Variants in ST8SIA6 observed in about 807,000 individuals in gnomAD.
ST8SIA6 encodes the protein alpha-2,8-sialyltransferase 8F.
In ST8SIA6, 39 loss-of-function variants were observed where a neutral mutation model predicts 33.6. The observed-to-expected ratio is 1.16, with a 90% CI of 0.90 to 1.52. The LOEUF is 1.52. Ranked by LOEUF, ST8SIA6 falls within the 40% of genes most tolerant of loss-of-function variation. The pLI is 0.00. For missense variants in ST8SIA6, 441 were observed against 443.8 expected, an observed-to-expected ratio of 0.99 and a Z score of 0.06; for synonymous variants, 172 against 167.2, an observed-to-expected ratio of 1.03 and a Z score of -0.22.
At chr10:17,453,037 G>GAAA (rs112644291) in intron 2 of ST8SIA6, among the ~76,000 whole-genome samples, 58 of 146,450 alleles carry the variant, frequency 4.0e-4, no homozygotes, top group African/African-American at 1.4e-3. Flanking sequence ...TTTACAATCT[G>GAAA]AAAAAAAAAC....
intron 4 of ST8SIA6, among the ~76,000 whole-genome samples, chr10:17,335,288 G>A (rs1848464395): frequency 6.6e-6 from 1 of 152,206 alleles, no homozygotes; most frequent in Admixed American, 6.5e-5. Context: ...AATGTTGATG[G>A]TAGTGAGTCA....
intron 4 of ST8SIA6, among the ~76,000 whole-genome samples, chr10:17,347,393 G>C (rs1195222508): frequency 6.6e-6 from 1 of 152,166 alleles, no homozygotes; most frequent in African/African-American, 2.4e-5. Context: ...ACTGGGAGAA[G>C]GATGCTGACT....
chr10:17,353,043 G>A (rs546604779), intron 4 of ST8SIA6, among the ~76,000 whole-genome samples: 1 of 152,176 alleles, frequency 6.6e-6, no homozygotes, highest in Non-Finnish European at 1.5e-5. Flanking sequence ...AACATTTAGA[G>A]GCTCAGAAAA....
In ST8SIA6 at chr10:17,318,323, C is replaced by T; in HGVS notation, c.*2555G>A. The T allele has an allele frequency of 9.1e-6, 2 of 218,888 alleles. No individual in the cohort carries two copies. Among genetic ancestry groups the T allele is most frequent in the Non-Finnish European group, 1.8e-5 (2 of 109,390 alleles). The allele number at this position is 218,888 out of a possible 1,614,324, so 13.6% of individuals were successfully genotyped here. On this transcript the variant is annotated 3_prime_UTR_variant, in exon 8 of 8. Coordinates refer to ENST00000377602, the MANE Select transcript of ST8SIA6 (RefSeq NM_001004470.3). ...CTCTACCTCCTGGGCTCCAGTGAAC[C>T]TCCCTCCTTAGCCTCCCAAGTAGCT...
chr10:17,363,183 G>A (rs1470492245), intron 3 of ST8SIA6, among the ~76,000 whole-genome samples: 1 of 152,058 alleles, frequency 6.6e-6, no homozygotes, highest in Non-Finnish European at 1.5e-5. Flanking sequence ...CTCCTTCAAT[G>A]TATCTATCGC....
chr10:17,392,805 G>A (rs1286085011), intron 2 of ST8SIA6, among the ~76,000 whole-genome samples: 2 of 152,182 alleles, frequency 1.3e-5, no homozygotes, highest in East Asian at 1.9e-4. Flanking sequence ...GTTTCTTGCC[G>A]ATGAAATGCC....
chr10:17,452,208 C>A (rs1422346997), intron 2 of ST8SIA6, among the ~76,000 whole-genome samples: 1 of 152,170 alleles, frequency 6.6e-6, no homozygotes, highest in Non-Finnish European at 1.5e-5. Flanking sequence ...CCAGGAGGTC[C>A]TAGTGCCTCT....
intron 3 of ST8SIA6, among the ~76,000 whole-genome samples, chr10:17,383,086 G>T (rs1850212205): frequency 6.6e-6 from 1 of 151,582 alleles, no homozygotes; most frequent in African/African-American, 2.4e-5. Flanking sequence ...TTCTTGTTTA[G>T]AAAATTAAGT....
chr10:17,360,914 AAG>A (rs1849362441), intron 3 of ST8SIA6, among the ~76,000 whole-genome samples: 1 of 138,102 alleles, frequency 7.2e-6, no homozygotes, highest in Non-Finnish European at 1.6e-5. Flanking sequence ...GAAGAAGAGG[AAG>A]AAGGGAAGAA....
At chr10:17,434,520 A>G (rs2131725695) in intron 2 of ST8SIA6, among the ~76,000 whole-genome samples, 1 of 152,322 alleles carries the variant, frequency 6.6e-6, no homozygotes, top group Middle Eastern at 3.4e-3. Context: ...ATATTTTCAA[A>G]AGAAAAGAAA....
chr10:17,371,710 C>T (rs1450159317), intron 3 of ST8SIA6, among the ~76,000 whole-genome samples: 1 of 148,410 alleles, frequency 6.7e-6, no homozygotes, highest in African/African-American at 2.5e-5. Context: ...CGCTTGAACC[C>T]AGGAGGCAGG....
At chr10:17,432,448 C>T (rs1852130839) in intron 2 of ST8SIA6, among the ~76,000 whole-genome samples, 1 of 152,088 alleles carries the variant, frequency 6.6e-6, no homozygotes, top group South Asian at 2.1e-4. Flanking sequence ...GTAATGCGTA[C>T]GAATGTGAAT....
In ST8SIA6 at chr10:17,424,247, G is replaced by A. The variant is rs573514518; in HGVS notation, c.200+29312C>T. Among the ~76,000 whole-genome samples, 229 of 152,046 alleles carry A rather than the reference G, an allele frequency of 1.5e-3. 1 individual carries two copies. The highest frequency in any genetic ancestry group is 7.3e-3 in the South Asian group (35 of 4,800). On this transcript the variant is annotated intron_variant, in intron 2 of 7. Coordinates refer to ENST00000377602, the MANE Select transcript of ST8SIA6 (RefSeq NM_001004470.3). The stretch of plus-strand genomic sequence containing the variant: ...GCTTCCTGAGTAGCTGGAATTACAG[G>A]TGCACACCACCATGCCCAGCTAATT...
At chr10:17,408,400 C>G (rs1851342608) in intron 2 of ST8SIA6, 1 of 152,134 alleles carries the variant, frequency 6.6e-6, no homozygotes, top group Non-Finnish European at 1.5e-5. Flanking sequence ...CACGGTGGCT[C>G]ACACCTGTAA....
intron 4 of ST8SIA6, among the ~76,000 whole-genome samples, chr10:17,334,849 A>G (rs1848455042): frequency 6.6e-6 from 1 of 152,174 alleles, no homozygotes; most frequent in African/African-American, 2.4e-5. Flanking sequence ...AACCTCTGGC[A>G]AGTGCATGTA....
At chr10:17,364,588 G>C (rs1050344829) in intron 3 of ST8SIA6, among the ~76,000 whole-genome samples, 4 of 152,194 alleles carry the variant, frequency 2.6e-5, no homozygotes, top group Non-Finnish European at 5.9e-5. Flanking sequence ...TTTTCTAAGT[G>C]CTTGCCCTTT....
chr10:17,447,314 G>C (rs1322740239), intron 2 of ST8SIA6, among the ~76,000 whole-genome samples: 2 of 152,040 alleles, frequency 1.3e-5, no homozygotes, highest in African/African-American at 4.8e-5. Flanking sequence ...GCGGAGGCAG[G>C]AGAATCACTG....
chr10:17,386,000 A>C (rs405472), intron 3 of ST8SIA6, among the ~76,000 whole-genome samples: 59,735 of 151,900 alleles, frequency 0.39, 12,182 homozygotes, highest in East Asian at 0.65. Flanking sequence ...CTGGGCAACA[A>C]AGAAAGACCC....
At chr10:17,359,644 A>C (rs746651827) in intron 3 of ST8SIA6, 44 bp from the exon 4 acceptor site, 13 of 1,280,648 alleles carry the variant, frequency 1.0e-5, no homozygotes, top group Non-Finnish European at 1.4e-5. Context: ...ATGATCTCAT[A>C]TGTAAGTCTT....
Sources: gnomAD v4.1 joint callset for allele counts (sites outside exome capture counted in the v4.1 genomes callset) on GRCh38, gnomAD v4.1.1 for gene constraint, MANE v1.5 for transcripts, NCBI Gene and HGNC (gene_info 2026-07-23, HGNC 2026-07-21) for gene names.